Variants in JPH4 observed in about 807,000 individuals in gnomAD.
JPH4 encodes the protein junctophilin-4.
A neutral mutation model predicts 57.6 loss-of-function variants in JPH4; 18 were observed. That is an observed-to-expected ratio of 0.31 (90% CI 0.22 to 0.46). JPH4 has a LOEUF of 0.46. JPH4 is among the 20% of genes least tolerant of loss of function. The pLI is 1.00. For synonymous variants in JPH4, 425 were observed against 406.6 expected (o/e 1.05, Z -0.54); for missense variants, 727 against 911.1 (o/e 0.80, Z 2.60).
Position 23,570,989 on chromosome 14 carries a change from T to A in JPH4, c.1742A>T (p.Asp581Val). 2 of 1,543,694 alleles carry A rather than the reference T, an allele frequency of 1.3e-6. No homozygotes were observed. Among genetic ancestry groups the A allele is most frequent in the Non-Finnish European group, 1.7e-6 (2 of 1,144,988 alleles). The change falls in exon 5 of 6, where the codon GAT becomes GTT. Residue 581 changes from aspartate to valine, a missense_variant. By Grantham distance (152) the Asp-to-Val change is radical. Coordinates refer to ENST00000356300, the MANE Select transcript of JPH4 (RefSeq NM_001146028.2). Reference sequence around the variant, plus strand: ...GAGCTCTTCTGTCAGGCACCCAGCATCAGGACCCCTCGAGGACGAGCCCCT... The same window carrying A: ...GAGCTCTTCTGTCAGGCACCCAGCAACAGGACCCCTCGAGGACGAGCCCCT... ...VLRGSSSRGPDAGCLTEELGE... is the reference protein window; with the variant it reads ...VLRGSSSRGPVAGCLTEELGE...
At position 23,576,263 on chromosome 14, in the gene JPH4, G is replaced by C; in HGVS notation, c.573C>G (p.Ser191=). The change falls in exon 3 of 6, where the codon TCC becomes TCG. Residue 191 remains serine, a synonymous_variant. Transcript: ENST00000356300. This position sits in a 1 kb window ranked among gnomAD's most constrained non-coding sequence, Gnocchi z 8.0. The stretch of plus-strand genomic sequence containing the variant: ...GCCCGGCCAGCACGAAGCCGCCCCG[G>C]GAGCCCGAGGCGGGGCTGCCTCCCT... ...GDEGGSPASG[S]RGGFVLAGPG... 7.1e-6 allele frequency: 9 copies of C among 1,267,408 alleles called. No individual in the cohort carries two copies. Among genetic ancestry groups the C allele is most frequent in the Non-Finnish European group, 8.9e-6 (9 of 1,008,308 alleles). The allele number at this position is 1,267,408 out of a possible 1,614,324, so 78.5% of individuals were successfully genotyped here. A position where few individuals can be genotyped will look rare whatever the true frequency, so the allele number is the denominator to read the frequency against.
rs927064894 is a variant in JPH4 at position 23,576,443 on chromosome 14, G to T, written c.393C>A (p.Gly131=). ...CGTGGCGCTTCCCGGCCTGCCACTGGCCCTGGTAGGTGCCTGCGGGCGGCG... is the reference window on the plus strand; with the variant it reads ...CGTGGCGCTTCCCGGCCTGCCACTGTCCCTGGTAGGTGCCTGCGGGCGGCG... ...ETYSDGGTYQ[G]QWQAGKRHGY... The change falls in exon 3 of 6, where the codon GGC becomes GGA. Residue 131 remains glycine, a synonymous_variant. Coordinates refer to ENST00000356300, the MANE Select transcript of JPH4 (RefSeq NM_001146028.2). This position sits in a 1 kb window ranked among gnomAD's most constrained non-coding sequence, Gnocchi z 8.0. 2.1e-6 allele frequency: 3 copies of T among 1,437,566 alleles called. No homozygotes were observed. Among genetic ancestry groups the T allele is most frequent in the Non-Finnish European group, 2.7e-6 (3 of 1,103,972 alleles). 89.1% of individuals were successfully genotyped at this position (1,437,566 alleles called of 1,614,324 possible). A position where few individuals can be genotyped will look rare whatever the true frequency, so the allele number is the denominator to read the frequency against.
In JPH4 at chr14:23,577,064, G is replaced by T; in HGVS notation, c.379+11C>A. The T allele has an allele frequency of 6.6e-7, 1 of 1,511,126 alleles. No individual in the cohort carries two copies. Among genetic ancestry groups the T allele is most frequent in the East Asian group, 2.5e-5 (1 of 40,508 alleles). 93.6% of individuals were successfully genotyped at this position (1,511,126 alleles called of 1,614,324 possible). The stretch of plus-strand genomic sequence containing the variant: ...ACGAGCAGACAGACACTGGTGGGCC[G>T]GGCCCCGCACCTCCGTCGGAGTAGG... On this transcript the variant is annotated intron_variant, in intron 2 of 5. Transcript: ENST00000356300. The surrounding 1 kb of genome is among the most constrained non-coding windows in gnomAD (Gnocchi z 8.4).
rs891948541 is a variant in JPH4 at position 23,576,719 on chromosome 14, C to A, written c.380-263G>T. ...GGTAAACAGGGGAAACGGGGAGGGC[C>A]CGGCAGGCATGCGAAGGACAGGCTG... On this transcript the variant is annotated intron_variant, in intron 2 of 5. Transcript: ENST00000356300. The surrounding 1 kb of genome is among the most constrained non-coding windows in gnomAD (Gnocchi z 8.0). 1.3e-5 allele frequency among the ~76,000 whole-genome samples: 2 copies of A among 152,032 alleles called. No homozygotes were observed. The highest frequency in any genetic ancestry group is 2.9e-5 in the Non-Finnish European group (2 of 68,002).
In JPH4 at chr14:23,577,108, C is replaced by T; in HGVS notation, c.346G>A (p.Asp116Asn). Residue 116 changes from aspartate (D) to asparagine (N), a missense_variant, in exon 2 of 6, where the codon GAC becomes AAC. This residue lies in a region of JPH4 where 90 missense variants were observed against 88.1 expected (regional missense o/e 1.02). Coordinates refer to ENST00000356300, the MANE Select transcript of JPH4 (RefSeq NM_001146028.2). This position sits in a 1 kb window ranked among gnomAD's most constrained non-coding sequence, Gnocchi z 8.4. ...YAGLWKDGFQ[D>N]GYGTETYSDG... ...GAGTAGGTCTCAGTGCCGTAGCCGT[C>T]CTGGAAACCGTCCTTCCAGAGCCCG... The T allele has an allele frequency of 6.4e-7, 1 of 1,567,386 alleles. No homozygotes were observed. Among genetic ancestry groups the T allele is most frequent in the Non-Finnish European group, 8.6e-7 (1 of 1,163,464 alleles).
Position 23,576,918 on chromosome 14 carries a change from G to C in JPH4, c.379+157C>G, listed in dbSNP as rs1300623303. ...ATTGAGGAAAGCATAATCATGGTGG[G>C]AGAGAGCAGAAATTGGGGGCTGGGG... On this transcript the variant is annotated intron_variant, in intron 2 of 5. Coordinates refer to ENST00000356300, the MANE Select transcript of JPH4 (RefSeq NM_001146028.2). The surrounding 1 kb of genome is among the most constrained non-coding windows in gnomAD (Gnocchi z 8.0). Among the ~76,000 whole-genome samples, 1 of 152,132 alleles carries C rather than the reference G, an allele frequency of 6.6e-6. No individual in the cohort carries two copies. Among genetic ancestry groups the C allele is most frequent in the Non-Finnish European group, 1.5e-5 (1 of 68,022 alleles).
rs1253592884 is a variant in JPH4 at position 23,571,830 on chromosome 14, C to T, written c.1242G>A (p.Gln414=). ...EAARMAKLIA[Q]DLQPMLEAPG... ...GGGCCTCTAGCATGGGCTGCAGGTCCTGGGCTATCAGTTTGGCCATTCGAG... is the reference window on the plus strand; with the variant it reads ...GGGCCTCTAGCATGGGCTGCAGGTCTTGGGCTATCAGTTTGGCCATTCGAG... The change falls in exon 4 of 6, where the codon CAG becomes CAA. Residue 414 remains glutamine (Q), a synonymous_variant. Coordinates refer to ENST00000356300, the MANE Select transcript of JPH4 (RefSeq NM_001146028.2). This position sits in a 1 kb window ranked among gnomAD's most constrained non-coding sequence, Gnocchi z 4.6. 2 of 1,613,018 alleles carry T rather than the reference C, an allele frequency of 1.2e-6. No homozygotes were observed. The highest frequency in any genetic ancestry group is 8.5e-7 in the Non-Finnish European group (1 of 1,179,902).
In JPH4 at chr14:23,576,597, T is replaced by G. The variant is rs1889278904; in HGVS notation, c.380-141A>C. ...TAGTGTGGAGGTCGGGGAAGGGCAC[T>G]GGGAGCCGGGAACAGGCCAGGCTGG... On this transcript the variant is annotated intron_variant, in intron 2 of 5. Coordinates refer to ENST00000356300, the MANE Select transcript of JPH4 (RefSeq NM_001146028.2). The surrounding 1 kb of genome is among the most constrained non-coding windows in gnomAD (Gnocchi z 8.0). 1.4e-6 allele frequency: 1 copy of G among 692,382 alleles called. No individual in the cohort carries two copies. Among genetic ancestry groups the G allele is most frequent in the Non-Finnish European group, 2.1e-6 (1 of 483,082 alleles). 42.9% of individuals were successfully genotyped at this position (692,382 alleles called of 1,614,324 possible). A position where few individuals can be genotyped will look rare whatever the true frequency, so the allele number is the denominator to read the frequency against.
Position 23,577,056 on chromosome 14 carries a change from G to T in JPH4, c.379+19C>A. On this transcript the variant is annotated intron_variant, in intron 2 of 5. Coordinates refer to ENST00000356300, the MANE Select transcript of JPH4 (RefSeq NM_001146028.2). This position sits in a 1 kb window ranked among gnomAD's most constrained non-coding sequence, Gnocchi z 8.4. ...GCACGCGGACGAGCAGACAGACACT[G>T]GTGGGCCGGGCCCCGCACCTCCGTC... is the stretch of plus-strand genomic sequence containing the variant. The T allele has an allele frequency of 6.6e-7, 1 of 1,506,190 alleles. No individual in the cohort carries two copies. Among genetic ancestry groups the T allele is most frequent in the Non-Finnish European group, 8.9e-7 (1 of 1,129,300 alleles). 93.3% of individuals were successfully genotyped at this position (1,506,190 alleles called of 1,614,324 possible). A position where few individuals can be genotyped will look rare whatever the true frequency, so the allele number is the denominator to read the frequency against.
intron 3 of JPH4, among the ~76,000 whole-genome samples, chr14:23,574,158 A>G (rs1180941851): frequency 1.3e-5 from 2 of 151,288 alleles, no homozygotes; most frequent in Non-Finnish European, 2.9e-5. Flanking sequence ...TTACAAGTGG[A>G]TTTTTGGCTT....
rs976189609 is a variant in JPH4 at position 23,570,960 on chromosome 14, C to T, written c.1771G>A (p.Glu591Lys). ...GCAGGCCTCTCGGTTGCAGCGGGCT[C>T]CCCGAGCTCTTCTGTCAGGCACCCA... ...DAGCLTEELGEPAATERPAQP... is the reference protein window; with the variant it reads ...DAGCLTEELGKPAATERPAQP... Residue 591 changes from glutamate to lysine, a missense_variant, in exon 5 of 6, where the codon GAG becomes AAG. By Grantham distance (56) the Glu-to-Lys change is moderately conservative. This residue lies in a region of JPH4 where 293 missense variants were observed against 279.8 expected (regional missense o/e 1.05). Coordinates refer to ENST00000356300, the MANE Select transcript of JPH4 (RefSeq NM_001146028.2). 6.6e-7 allele frequency: 1 copy of T among 1,522,538 alleles called. No homozygotes were observed. Among genetic ancestry groups the T allele is most frequent in the African/African-American group, 1.4e-5 (1 of 72,010 alleles). 94.3% of individuals were successfully genotyped at this position (1,522,538 alleles called of 1,614,324 possible). A position where few individuals can be genotyped will look rare whatever the true frequency, so the allele number is the denominator to read the frequency against.
rs1889246397 is a variant in JPH4, at chr14:23,575,364, C to A, written c.1151+321G>T. ...GAGTTCCAAGAGATTTCTGGGCCTG[C>A]ACAAAACAGCTTCCTTGCTACTCCC... On this transcript the variant is annotated intron_variant, in intron 3 of 5. Transcript: ENST00000356300. This position sits in a 1 kb window ranked among gnomAD's most constrained non-coding sequence, Gnocchi z 6.9. The A allele has an allele frequency of 4.4e-6, 2 of 456,834 alleles. No homozygotes were observed. Among genetic ancestry groups the A allele is most frequent in the Non-Finnish European group, 7.9e-6 (2 of 253,046 alleles). The allele number at this position is 456,834 out of a possible 1,614,324, so 28.3% of individuals were successfully genotyped here.
rs1888908741 is a variant in JPH4 at position 23,568,528 on chromosome 14, GT to G, written c.*1105del. 1 of 985,604 alleles carries G rather than the reference GT, an allele frequency of 1.0e-6. No individual in the cohort carries two copies. The highest frequency in any genetic ancestry group is 4.7e-5 in the South Asian group (1 of 21,290). The allele number at this position is 985,604 out of a possible 1,614,324, so 61.1% of individuals were successfully genotyped here. On this transcript the variant is annotated 3_prime_UTR_variant, in exon 6 of 6. Coordinates refer to ENST00000356300, the MANE Select transcript of JPH4 (RefSeq NM_001146028.2). ...CTATCTTTGATCCCCTCCTTCTGTT[GT>G]TTTCCCATTTCACAAGATTCTGATG... is the stretch of plus-strand genomic sequence containing the variant.
intron 3 of JPH4, among the ~76,000 whole-genome samples, chr14:23,572,680 G>A (rs1386122553): frequency 6.6e-6 from 1 of 152,014 alleles, no homozygotes; most frequent in Non-Finnish European, 1.5e-5. Context: ...CCCCCGTCAT[G>A]CTTTCCTGAG....
chr14:23,573,700 G>A (rs566539820), intron 3 of JPH4, among the ~76,000 whole-genome samples: 1 of 152,236 alleles, frequency 6.6e-6, no homozygotes, highest in South Asian at 2.1e-4. Flanking sequence ...TGTTGCTGGG[G>A]AGACCAACCA....
chr14:23,577,275 C>T lies in JPH4; in HGVS notation c.179G>A (p.Ser60Asn), dbSNP rs1415775696. Residue 60 changes from serine to asparagine, a missense_variant, in exon 2 of 6, where the codon AGC becomes AAC. Physicochemically the swap from Ser to Asn is conservative, Grantham distance 46. Coordinates refer to ENST00000356300, the MANE Select transcript of JPH4 (RefSeq NM_001146028.2). This position sits in a 1 kb window ranked among gnomAD's most constrained non-coding sequence, Gnocchi z 8.4. ...GCCCTGCTGCCAGTGGCCCTGGTAG[C>T]TGTGTCCGCCGGGCCCCGTGAAGAC... Reference protein sequence around the residue: ...LGVFTGPGGHSYQGHWQQGKR... With the variant: ...LGVFTGPGGHNYQGHWQQGKR... 6 of 1,537,278 alleles carry T rather than the reference C, an allele frequency of 3.9e-6. No homozygotes were observed. The highest frequency in any genetic ancestry group is 4.4e-6 in the Non-Finnish European group (5 of 1,145,062).
chr14:23,575,941 G>C lies in JPH4; in HGVS notation c.895C>G (p.Arg299Gly), dbSNP rs1292765771. Residue 299 changes from arginine (R) to glycine (G), a missense_variant, in exon 3 of 6, where the codon CGC becomes GGC. By Grantham distance (125) the Arg-to-Gly change is moderately radical (BLOSUM62 -2). Transcript: ENST00000356300. This position sits in a 1 kb window ranked among gnomAD's most constrained non-coding sequence, Gnocchi z 6.9. ...CCCTCGTAGCGCAGCCCGTTGGAGC[G>C]CTGGCTGACGCCGAAGCCGCTGCGC... ...DRRSGFGVSQRSNGLRYEGEW... is the reference protein window; with the variant it reads ...DRRSGFGVSQGSNGLRYEGEW... 2 of 1,547,610 alleles carry C rather than the reference G, an allele frequency of 1.3e-6. No homozygotes were observed. Among genetic ancestry groups the C allele is most frequent in the Non-Finnish European group, 1.7e-6 (2 of 1,155,624 alleles).
intron 1 of JPH4, 157 bp downstream of exon 1, chr14:23,578,023 A>C (rs1476456614): frequency 3.0e-5 from 4 of 131,212 alleles, no homozygotes; most frequent in Admixed American, 1.6e-4. Context: ...TGGGGGGTAG[A>C]ATATGTAGCG....
In JPH4 at chr14:23,577,120, C is replaced by G; in HGVS notation, c.334G>C (p.Asp112His). Residue 112 changes from aspartate to histidine, a missense_variant, in exon 2 of 6, where the codon GAC becomes CAC. Physicochemically the swap from Asp to His is moderately conservative, Grantham distance 81 (BLOSUM62 -1). Coordinates refer to ENST00000356300, the MANE Select transcript of JPH4 (RefSeq NM_001146028.2). This position sits in a 1 kb window ranked among gnomAD's most constrained non-coding sequence, Gnocchi z 8.4. The part of the protein sequence containing the change: ...SGLRYAGLWK[D>H]GFQDGYGTET... ...GTGCCGTAGCCGTCCTGGAAACCGT[C>G]CTTCCAGAGCCCGGCGTAGCGCAGG... 6.4e-7 allele frequency: 1 copy of G among 1,562,306 alleles called. No individual in the cohort carries two copies. Among genetic ancestry groups the G allele is most frequent in the Non-Finnish European group, 8.6e-7 (1 of 1,161,892 alleles).
Sources: gnomAD v4.1 joint callset for allele counts (sites outside exome capture counted in the v4.1 genomes callset) on GRCh38, gnomAD v4.1.1 for gene constraint, gnomAD v4.1.1 regional missense constraint, Gnocchi (gnomAD v3.1) non-coding constraint, MANE v1.5 for transcripts, NCBI Gene and HGNC (gene_info 2026-07-23, HGNC 2026-07-21) for gene names.